The following CPED1 variants were observed in gnomAD, a reference collection of about 807,000 sequenced individuals.
The protein encoded by CPED1 is cadherin like and PC-esterase domain containing 1.
A neutral mutation model predicts 128.2 loss-of-function variants in CPED1; 114 were observed. The ratio of observed to expected loss-of-function variants is 0.89; its 90% CI spans 0.76 to 1.04. CPED1 has a LOEUF of 1.04. Among genes scored for constraint, CPED1 ranks in the 50% least tolerant of loss-of-function variants. CPED1 has a pLI of 0.00. For synonymous variants in CPED1, 462 were observed against 426.7 expected, an observed-to-expected ratio of 1.08 and a Z score of -1.02; for missense variants, 1,211 against 1,207.1, an observed-to-expected ratio of 1.00 and a Z score of -0.05.
At chr7:121,224,984 A>C (rs10268117) in intron 16 of CPED1, among the ~76,000 whole-genome samples, 89,496 of 151,588 alleles carry the variant, frequency 0.59, 27,083 homozygotes, top group East Asian at 0.88. Flanking sequence ...TTTAAGGTTA[A>C]TGTTGTTTTG....
At chr7:121,059,469 TATG>T (rs1585045342) in intron 4 of CPED1, among the ~76,000 whole-genome samples, 1 of 152,168 alleles carries the variant, frequency 6.6e-6, no homozygotes, top group East Asian at 1.9e-4. Context: ...TTTCTACAGA[TATG>T]AGGAAAAAGA....
At chr7:121,067,146 G>T (rs1793849673) in intron 5 of CPED1, among the ~76,000 whole-genome samples, 1 of 151,988 alleles carries the variant, frequency 6.6e-6, no homozygotes, top group Non-Finnish European at 1.5e-5. Flanking sequence ...TAAGTTTTAG[G>T]GTACATGTGC....
chr7:121,191,017 G>C (rs957155884), intron 16 of CPED1, among the ~76,000 whole-genome samples: 6 of 152,120 alleles, frequency 3.9e-5, no homozygotes, highest in Non-Finnish European at 8.8e-5. Flanking sequence ...GGCTGTTATA[G>C]TATTGTTCCT....
At chr7:121,114,066 G>A (rs1005750894) in intron 7 of CPED1, among the ~76,000 whole-genome samples, 9 of 151,988 alleles carry the variant, frequency 5.9e-5, no homozygotes, top group African/African-American at 1.9e-4. Context: ...TCCTGACCTC[G>A]TGATCCACCT....
intron 16 of CPED1, among the ~76,000 whole-genome samples, chr7:121,229,970 A>G (rs1753837254): frequency 1.3e-5 from 2 of 152,054 alleles, no homozygotes; most frequent in Non-Finnish European, 2.9e-5. Flanking sequence ...GATTAGCCAA[A>G]GAGGAGGACC....
intron 21 of CPED1, among the ~76,000 whole-genome samples, chr7:121,270,087 G>A (rs1021305468): frequency 3.9e-5 from 6 of 152,010 alleles, no homozygotes; most frequent in South Asian, 2.1e-4. Context: ...GCACAGAGCC[G>A]TTCATGAAAG....
At chr7:121,166,300 G>A (rs1796524252) in intron 16 of CPED1, among the ~76,000 whole-genome samples, 1 of 152,128 alleles carries the variant, frequency 6.6e-6, no homozygotes, top group Admixed American at 6.6e-5. Context: ...TTGCTATGAT[G>A]TATAAAATGG....
intron 16 of CPED1, among the ~76,000 whole-genome samples, chr7:121,177,743 T>C (rs933677725): frequency 3.3e-5 from 5 of 152,072 alleles, no homozygotes. Context: ...TATAATGTCA[T>C]GACATGACAT....
chr7:121,109,836 G>A (rs1159344253), intron 7 of CPED1, among the ~76,000 whole-genome samples: 2 of 152,102 alleles, frequency 1.3e-5, no homozygotes, highest in East Asian at 1.9e-4. Flanking sequence ...AAAACATTAT[G>A]CTAAGGAAAT....
intron 7 of CPED1, among the ~76,000 whole-genome samples, chr7:121,112,066 A>G (rs1795125635): frequency 6.6e-6 from 1 of 152,114 alleles, no homozygotes; most frequent in Admixed American, 6.5e-5. Flanking sequence ...TGTGCCTGTC[A>G]TCGTCTTGTA....
chr7:121,169,193 C>T (rs1421216230), intron 16 of CPED1, among the ~76,000 whole-genome samples: 2 of 152,010 alleles, frequency 1.3e-5, no homozygotes, highest in Admixed American at 1.3e-4. Context: ...TTTATAAAGA[C>T]ATCAAATTAA....
chr7:121,025,822 G>T (rs1792564070), intron 3 of CPED1, among the ~76,000 whole-genome samples: 1 of 152,094 alleles, frequency 6.6e-6, no homozygotes, highest in South Asian at 2.1e-4. Flanking sequence ...TCTAGATAAG[G>T]TTGAATCCTA....
chr7:121,075,384 T>G (rs541384379), intron 5 of CPED1, among the ~76,000 whole-genome samples: 1 of 152,344 alleles, frequency 6.6e-6, no homozygotes, highest in African/African-American at 2.4e-5. Flanking sequence ...TTTATGCTGT[T>G]ATGATTTAAT....
At chr7:121,148,024 A>G (rs1354879749) in intron 16 of CPED1, among the ~76,000 whole-genome samples, 3 of 152,154 alleles carry the variant, frequency 2.0e-5, no homozygotes, top group Non-Finnish European at 2.9e-5. Flanking sequence ...TAGTTATCTA[A>G]TAGCAAATAT....
intron 15 of CPED1, 53 bp from the exon 16 acceptor site, chr7:121,141,920 T>G: frequency 1.4e-6 from 2 of 1,464,806 alleles, no homozygotes; most frequent in Admixed American, 1.7e-5. Flanking sequence ...CAGTTTGGGC[T>G]GAATAAATCT....
intron 22 of CPED1, among the ~76,000 whole-genome samples, chr7:121,281,668 T>C (rs1196268169): frequency 6.6e-6 from 1 of 152,198 alleles, no homozygotes; most frequent in Non-Finnish European, 1.5e-5. Flanking sequence ...TAAGATCTTA[T>C]ACTTATAAAA....
At chr7:121,199,673 C>CAAAAAAAAA (rs1160203035) in intron 16 of CPED1, among the ~76,000 whole-genome samples, 3 of 86,938 alleles carry the variant, frequency 3.5e-5, no homozygotes, top group African/African-American at 1.4e-4. Context: ...GAGACTCCAT[C>CAAAAAAAAA]AAAAAAAAAA....
At chr7:121,267,788 A>G (rs1036264379) in intron 21 of CPED1, among the ~76,000 whole-genome samples, 17 of 152,170 alleles carry the variant, frequency 1.1e-4, no homozygotes, top group African/African-American at 3.8e-4. Context: ...GCTCAAGTGA[A>G]GGGACTTCTG....
At chr7:121,135,879 CTT>C (rs1160380536) in intron 13 of CPED1, among the ~76,000 whole-genome samples, 159 bp from the exon 14 acceptor site, 1 of 151,864 alleles carries the variant, frequency 6.6e-6, no homozygotes, top group Non-Finnish European at 1.5e-5. Context: ...AATAAAATAA[CTT>C]ATTTTATTGT....
Sources: gnomAD v4.1 joint callset for allele counts (sites outside exome capture counted in the v4.1 genomes callset) on GRCh38, gnomAD v4.1.1 for gene constraint, MANE v1.5 for transcripts, NCBI Gene and HGNC (gene_info 2026-07-23, HGNC 2026-07-21) for gene names.